Variants in PTPRD observed in about 807,000 individuals in gnomAD.
PTPRD encodes the protein protein tyrosine phosphatase receptor type D.
Under a neutral mutation model 214.5 loss-of-function variants are expected in PTPRD, and 34 were observed. The ratio of observed to expected loss-of-function variants is 0.16; its 90% confidence interval spans 0.12 to 0.21. The LOEUF (loss-of-function observed/expected upper bound fraction) is 0.21, where lower values mean the gene tolerates loss of function less well. PTPRD is among the 10% of genes least tolerant of loss of function. The probability of loss-of-function intolerance (pLI) is 1.00; values close to 1 mark genes in which losing one functional copy is unlikely to be tolerated. For synonymous variants in PTPRD, 1,128 were observed against 845.7 expected (o/e 1.33, Z -5.79); for missense variants, 2,545 against 2,398.7 (o/e 1.06, Z -1.27).
chr9:9,646,318 GGTGTGTGT>G (rs369865111), intron 7 of PTPRD, among the ~76,000 whole-genome samples: 10 of 137,292 alleles, frequency 7.3e-5, no homozygotes, highest in Non-Finnish European at 8.0e-5. Flanking sequence ...TGTGTGTGTG[GGTGTGTGT>G]GTGTGTGTGT....
intron 5 of PTPRD, among the ~76,000 whole-genome samples, chr9:9,783,618 A>C (rs1373809022): frequency 6.6e-6 from 1 of 152,104 alleles, no homozygotes; most frequent in Admixed American, 6.5e-5. Context: ...ACAGTTGGAG[A>C]AATCCAAGGA....
chr9:10,072,555 G>A, intron 3 of PTPRD, among the ~76,000 whole-genome samples: 1 of 152,044 alleles, frequency 6.6e-6, no homozygotes, highest in East Asian at 1.9e-4. Flanking sequence ...GCTGGCTGGG[G>A]TGGCCAGCTT....
intron 7 of PTPRD, among the ~76,000 whole-genome samples, chr9:9,576,537 A>G (rs1436865380): frequency 6.6e-6 from 1 of 152,150 alleles, no homozygotes; most frequent in African/African-American, 2.4e-5. Context: ...GTGATTTGAG[A>G]TGCTCGTACT....
Position 9,412,460 on chromosome 9 carries a change from A to C in PTPRD, c.-236-14978T>G, listed in dbSNP as rs913729209. Among the ~76,000 whole-genome samples the C allele has an allele frequency of 1.8e-4, 24 of 132,376 alleles. No individual in the cohort carries two copies. The East Asian group carries it at 4.9e-3, about 27-fold the overall frequency. 86.8% of individuals were successfully genotyped at this position (132,376 alleles called of 152,430 possible). On this transcript the variant is annotated intron_variant, in intron 8 of 45. Coordinates refer to ENST00000381196, the MANE Select transcript of PTPRD (RefSeq NM_002839.4). ...CCCATACAGGTCTGGGCACAGATAG[A>C]GACTCTCATCCCCCAAGGCCATTAT...
chr9:10,332,999 TA>T (rs2096779118), intron 3 of PTPRD, among the ~76,000 whole-genome samples: 1 of 151,930 alleles, frequency 6.6e-6, no homozygotes, highest in Admixed American at 6.6e-5. Context: ...CAAAGAAAGA[TA>T]TTTTTTAATC....
intron 12 of PTPRD, among the ~76,000 whole-genome samples, chr9:8,726,985 G>C (rs1450086956): frequency 3.3e-5 from 5 of 150,636 alleles, no homozygotes; most frequent in African/African-American, 9.8e-5. Context: ...AAAAAGAAAG[G>C]GAAAAGAAAA....
At chr9:9,935,899 A>C (rs2089168840) in intron 5 of PTPRD, among the ~76,000 whole-genome samples, 4 of 150,516 alleles carry the variant, frequency 2.7e-5, no homozygotes, top group Middle Eastern at 6.9e-3. Context: ...AATGGAACAG[A>C]ACAGAGCCCT....
At chr9:9,826,023 T>G (rs1307484757) in intron 5 of PTPRD, among the ~76,000 whole-genome samples, 1 of 151,842 alleles carries the variant, frequency 6.6e-6, no homozygotes, top group Non-Finnish European at 1.5e-5. Context: ...CAGGAAATTA[T>G]TCATGATCAT....
At chr9:9,848,931 CTAAT>C (rs1013169697) in intron 5 of PTPRD, among the ~76,000 whole-genome samples, 4 of 151,890 alleles carry the variant, frequency 2.6e-5, no homozygotes, top group East Asian at 1.9e-4. Context: ...TTGGTAATTT[CTAAT>C]TAATAACATA....
intron 3 of PTPRD, among the ~76,000 whole-genome samples, chr9:10,055,145 C>G (rs908819983): frequency 1.3e-5 from 2 of 152,074 alleles, no homozygotes; most frequent in African/African-American, 2.4e-5. Context: ...TGACTTTCCA[C>G]CCTCCAGACC....
chr9:10,101,338 C>A (rs1435385644), intron 3 of PTPRD, among the ~76,000 whole-genome samples: 1 of 151,632 alleles, frequency 6.6e-6, no homozygotes, highest in Non-Finnish European at 1.5e-5. Flanking sequence ...CAAAAAGTCA[C>A]CCAATTTGCA....
In PTPRD at chr9:10,108,374, T is replaced by A. The variant is rs2098656191; in HGVS notation, c.-544-74584A>T. ...TTTTCAAGTGTACAGTATATTGTTA[T>A]TAACTATAGTCACTGTGATGTATGA... On this transcript the variant is annotated intron_variant, in intron 3 of 45. Coordinates refer to ENST00000381196, the MANE Select transcript of PTPRD (RefSeq NM_002839.4). Among the ~76,000 whole-genome samples, 3 of 152,204 alleles carry A rather than the reference T, an allele frequency of 2.0e-5. No individual in the cohort carries two copies. In the South Asian group the frequency reaches 6.2e-4, roughly 32 times the overall value.
chr9:9,010,223 G>A (rs1046085152), intron 11 of PTPRD, among the ~76,000 whole-genome samples: 2 of 152,114 alleles, frequency 1.3e-5, no homozygotes, highest in African/African-American at 4.8e-5. Context: ...ACATATCTTT[G>A]ACCAATATTT....
chr9:10,551,966 T>C (rs1175776155), intron 2 of PTPRD, among the ~76,000 whole-genome samples: 1 of 152,224 alleles, frequency 6.6e-6, no homozygotes, highest in Admixed American at 6.5e-5. Context: ...AATTTTCTAC[T>C]TTGCATGCAT....
intron 29 of PTPRD, 72 bp downstream of exon 29, chr9:8,485,155 A>C (rs2096972437): frequency 7.5e-7 from 1 of 1,330,938 alleles, no homozygotes; most frequent in African/African-American, 1.5e-5. Flanking sequence ...CTTGCTGTGC[A>C]AATAACTTAC....
chr9:10,029,213 T>A (rs2096997942), intron 4 of PTPRD, among the ~76,000 whole-genome samples: 1 of 152,148 alleles, frequency 6.6e-6, no homozygotes, highest in African/African-American at 2.4e-5. Context: ...GAAAGAAGTT[T>A]GCTGCAGGGG....
At position 10,602,193 on chromosome 9, in the gene PTPRD, T is replaced by C. The variant is rs149433136; in HGVS notation, c.-600+10205A>G. 2.7e-4 allele frequency among the ~76,000 whole-genome samples: 41 copies of C among 151,982 alleles called. No homozygotes were observed. In the East Asian group the frequency reaches 7.6e-3, roughly 28 times the overall value. On this transcript the variant is annotated intron_variant, in intron 2 of 45. Coordinates refer to ENST00000381196, the MANE Select transcript of PTPRD (RefSeq NM_002839.4). ...TTAAAATTTTAACCTGACAAATGTATACCTGAGACATAAGAAGTGTCGATC... is the reference window on the plus strand; with the variant it reads ...TTAAAATTTTAACCTGACAAATGTACACCTGAGACATAAGAAGTGTCGATC...
chr9:9,760,762 A>G (rs1211534853), intron 6 of PTPRD, among the ~76,000 whole-genome samples: 1 of 152,194 alleles, frequency 6.6e-6, no homozygotes, highest in Non-Finnish European at 1.5e-5. Context: ...ACTGAAGAAG[A>G]TAGACAGATG....
intron 11 of PTPRD, among the ~76,000 whole-genome samples, chr9:8,743,797 CAAT>C (rs138293869): frequency 0.51 from 70,512 of 137,918 alleles, 17,431 homozygotes; most frequent in Middle Eastern, 0.61. Context: ...CAAAAAATAA[CAAT>C]AATAATAATA....
Sources: gnomAD v4.1 joint callset for allele counts (sites outside exome capture counted in the v4.1 genomes callset) on GRCh38, gnomAD v4.1.1 for gene constraint, MANE v1.5 for transcripts, NCBI Gene and HGNC (gene_info 2026-07-23, HGNC 2026-07-21) for gene names.